CALM2: variants seen among roughly 807,000 people sequenced by gnomAD.
CALM2 encodes the protein calmodulin-2.
CALM2 carries 2 observed loss-of-function variants against 19.8 expected under a neutral mutation model. The ratio of observed to expected loss-of-function variants is 0.10; its 90% CI spans 0.04 to 0.32. CALM2 has a LOEUF of 0.32. CALM2 is among the 10% of genes least tolerant of loss of function. The pLI, the probability that CALM2 is intolerant of heterozygous loss-of-function variation, is 1.00. For missense variants in CALM2, 38 were observed against 178.7 expected (o/e 0.21, Z 4.49); for synonymous variants, 51 against 52.1 (o/e 0.98, Z 0.09).
intron 1 of CALM2, among the ~76,000 whole-genome samples, chr2:47,175,792 G>A (rs1163459000): frequency 6.8e-6 from 1 of 146,892 alleles, no homozygotes; most frequent in South Asian, 2.1e-4. Context: ...CGGGGCGGCG[G>A]CTCCGGGTCC....
chr2:47,162,888 C>T (rs1476809883), intron 2 of CALM2: 4 of 427,524 alleles, frequency 9.4e-6, no homozygotes, highest in African/African-American at 6.1e-5. Context: ...ACTTTGACTC[C>T]TAAAGATTAA....
chr2:47,164,387 C>T (rs62141683), intron 2 of CALM2, among the ~76,000 whole-genome samples: 12 of 134,428 alleles, frequency 8.9e-5, no homozygotes, highest in East Asian at 2.1e-4. Context: ...CACACACACA[C>T]GCTGGGTGTG....
chr2:47,162,112 G>A (rs767999211), intron 4 of CALM2, among the ~76,000 whole-genome samples, 174 bp downstream of exon 4: 1 of 122,068 alleles, frequency 8.2e-6, no homozygotes, highest in Non-Finnish European at 1.6e-5. Flanking sequence ...ATATTAGAAA[G>A]TCTATACTGA....
At chr2:47,163,047 A>T (rs1412964603) in intron 2 of CALM2, 1 of 166,082 alleles carries the variant, frequency 6.0e-6, no homozygotes, top group Non-Finnish European at 1.3e-5. Context: ...CTGTCACTGA[A>T]GCTGCTCTGT....
At chr2:47,175,586 T>A (rs552573743) in intron 1 of CALM2, among the ~76,000 whole-genome samples, 3 of 152,230 alleles carry the variant, frequency 2.0e-5, no homozygotes, top group Admixed American at 1.3e-4. Context: ...CAATTTTTTT[T>A]AAAGCATCCG....
rs771855459 is a variant in CALM2, at chr2:47,160,727, CAAAT to C, written c.*45_*48del. 7.1e-6 allele frequency: 8 copies of C among 1,134,014 alleles called. No individual in the cohort carries two copies. In the Admixed American group the frequency reaches 2.1e-4, roughly 29 times the overall value. The allele number at this position is 1,134,014 out of a possible 1,614,324, so 70.2% of individuals were successfully genotyped here. On this transcript the variant is annotated 3_prime_UTR_variant, in exon 6 of 6. Coordinates refer to ENST00000272298, the MANE Select transcript of CALM2 (RefSeq NM_001743.6). ...AGATAAGTTACAAACAAAGAAAAGG[CAAAT>C]AAACAATTTTGTACAAGAAATTTAA...
intron 1 of CALM2, among the ~76,000 whole-genome samples, chr2:47,175,867 C>A (rs1666844946): frequency 6.8e-6 from 1 of 147,928 alleles, no homozygotes; most frequent in South Asian, 2.1e-4. Flanking sequence ...TCGGCCCACA[C>A]AGCGCGCCGC....
chr2:47,176,627 CTCT>C, upstream of CALM2: 1 of 1,509,382 alleles, frequency 6.6e-7, no homozygotes, highest in Non-Finnish European at 8.9e-7. Context: ...TCCCCTCAAA[CTCT>C]TCTCGGGACC....
chr2:47,169,725 C>A (rs1240891929), intron 2 of CALM2, among the ~76,000 whole-genome samples: 1 of 152,002 alleles, frequency 6.6e-6, no homozygotes, highest in African/African-American at 2.4e-5. Flanking sequence ...TTCTGGTATC[C>A]CCCAAACTTC....
intron 2 of CALM2, among the ~76,000 whole-genome samples, chr2:47,165,293 G>A (rs1027659527): frequency 7.9e-5 from 12 of 152,172 alleles, no homozygotes; most frequent in African/African-American, 2.9e-4. Flanking sequence ...AATGCAATAT[G>A]GACAAGCTAC....
At chr2:47,169,888 C>G (rs1266765446) in intron 2 of CALM2, among the ~76,000 whole-genome samples, 1 of 150,652 alleles carries the variant, frequency 6.6e-6, no homozygotes, top group East Asian at 2.0e-4. Context: ...GGCAAATAAA[C>G]TGCTTGGTGC....
intron 5 of CALM2, among the ~76,000 whole-genome samples, chr2:47,161,152 A>G (rs761545616): frequency 6.6e-6 from 1 of 152,196 alleles, no homozygotes; most frequent in Non-Finnish European, 1.5e-5. Flanking sequence ...ATAACATTAC[A>G]TTTTATGCTC....
intron 1 of CALM2, chr2:47,171,851 G>A (rs756197007): frequency 3.3e-5 from 5 of 151,806 alleles, no homozygotes; most frequent in Non-Finnish European, 5.9e-5. Context: ...CACACCCCTG[G>A]AAAAAGTAAC....
chr2:47,168,004 TGGGA>T (rs1005128297), intron 2 of CALM2, among the ~76,000 whole-genome samples: 1 of 151,836 alleles, frequency 6.6e-6, no homozygotes, highest in African/African-American at 2.4e-5. Context: ...ATACCAAATT[TGGGA>T]GGAAGGGACT....
rs796620987 is a variant in CALM2 at position 47,164,256 on chromosome 2, G to A, written c.35-1594C>T. 5.1e-3 allele frequency among the ~76,000 whole-genome samples: 173 copies of A among 33,982 alleles called. 42 individuals are homozygous for A. The highest frequency in any genetic ancestry group is 0.048 in the Middle Eastern group (2 of 42). 22.3% of individuals were successfully genotyped at this position (33,982 alleles called of 152,430 possible). A position where few individuals can be genotyped will look rare whatever the true frequency, so the allele number is the denominator to read the frequency against. ...CCGTCTCAAAAAAAAAAAAAAAGAAGAAAAAGAAAAGAAACCCCGTCTCTA... is the reference window on the plus strand; with the variant it reads ...CCGTCTCAAAAAAAAAAAAAAAGAAAAAAAAGAAAAGAAACCCCGTCTCTA... On this transcript the variant is annotated intron_variant, in intron 2 of 5. Transcript: ENST00000272298.
At chr2:47,176,558 C>G (rs1392715285), upstream of CALM2, 1 of 1,555,730 alleles carries the variant, frequency 6.4e-7, no homozygotes, top group Admixed American at 1.9e-5. Flanking sequence ...CTCCCTCCGC[C>G]AGATCCCTCC....
intron 2 of CALM2, among the ~76,000 whole-genome samples, chr2:47,165,363 G>GT (rs1666429840): frequency 6.6e-6 from 1 of 152,184 alleles, no homozygotes; most frequent in Non-Finnish European, 1.5e-5. Context: ...TGCCCAGTAA[G>GT]TGGGGTGACA....
At chr2:47,176,345 G>C in intron 1 of CALM2, 96 bp downstream of exon 1, 3 of 1,461,404 alleles carry the variant, frequency 2.1e-6, no homozygotes, top group Non-Finnish European at 2.8e-6. Context: ...ACCACTCCTT[G>C]AAGGTGTAAG....
intron 1 of CALM2, among the ~76,000 whole-genome samples, chr2:47,175,084 T>TG (rs1386640638): frequency 7.7e-6 from 1 of 129,964 alleles, no homozygotes; most frequent in East Asian, 2.0e-4. Flanking sequence ...ATTAGGTGTT[T>TG]TTTTTTTTTT....
Sources: allele counts gnomAD v4.1 joint callset (sites outside exome capture counted in the v4.1 genomes callset), GRCh38; gene constraint gnomAD v4.1.1; transcripts MANE v1.5; gene names NCBI Gene and HGNC (gene_info 2026-07-23, HGNC 2026-07-21).